The following PTK2 variants were observed in gnomAD, a reference collection of about 807,000 sequenced individuals.
The protein encoded by PTK2 is focal adhesion kinase 1.
In PTK2, 45 loss-of-function variants were observed where a neutral mutation model predicts 150.1. That is an observed-to-expected ratio of 0.30 (90% confidence interval 0.24 to 0.38). The LOEUF (loss-of-function observed/expected upper bound fraction) is 0.38, where lower values mean the gene tolerates loss of function less well. Among genes scored for constraint, PTK2 ranks in the 10% least tolerant of loss-of-function variants. The pLI, the probability that PTK2 is intolerant of heterozygous loss-of-function variation, is 1.00. For synonymous variants in PTK2, 432 were observed against 449.2 expected (o/e 0.96, Z 0.48); for missense variants, 919 against 1,307.3 (o/e 0.70, Z 4.58).
intron 26 of PTK2, among the ~76,000 whole-genome samples, chr8:140,690,770 AG>A (rs1043368176): frequency 3.3e-5 from 5 of 152,244 alleles, no homozygotes; most frequent in African/African-American, 9.6e-5. Flanking sequence ...ACATTTATAT[AG>A]GGCAAACTGA....
exon 9 of PTK2, chr8:140,818,967 A>G: frequency 6.2e-7 from 1 of 1,613,620 alleles, no homozygotes; most frequent in East Asian, 2.2e-5. Context: ...CTTCTCTATT[A>G]AGGTTGGCAA....
At chr8:140,782,254 T>TTTTG (rs567880304) in intron 14 of PTK2, among the ~76,000 whole-genome samples, 1,875 of 138,082 alleles carry the variant, frequency 0.014, 49 homozygotes, top group African/African-American at 0.048. Context: ...TTTTTTTTTT[T>TTTTG]GGGGGGGGGG....
chr8:140,686,673 G>A lies in PTK2; in HGVS notation c.2521C>T (p.Arg841Ter). ...CCATCCTCCCTGTCAATACTGCCTCGAGAGAGTCTCACATCAGGTTTCTGA... is the reference window on the plus strand; with the variant it reads ...CCATCCTCCCTGTCAATACTGCCTCAAGAGAGTCTCACATCAGGTTTCTGA... Residue 841 changes from arginine to a stop codon, truncating the protein, a stop_gained, in exon 27 of 32, where the codon CGA (arginine) becomes TGA (stop). Coordinates refer to ENST00000522684, the Ensembl canonical transcript of PTK2. LOFTEE classifies it high-confidence loss of function. 2 of 1,613,734 alleles carry A rather than the reference G, an allele frequency of 1.2e-6. No homozygotes were observed. The highest frequency in any genetic ancestry group is 1.7e-6 in the Non-Finnish European group (2 of 1,179,736).
At chr8:140,742,198 C>T (rs1182349567) in intron 20 of PTK2, among the ~76,000 whole-genome samples, 1 of 152,144 alleles carries the variant, frequency 6.6e-6, no homozygotes, top group Non-Finnish European at 1.5e-5. Context: ...GAGTTAGCAG[C>T]CTGCATATTT....
chr8:141,000,984 C>T (rs953073047), intron 1 of PTK2, 141 bp downstream of exon 1: 6 of 152,026 alleles, frequency 3.9e-5, no homozygotes, highest in African/African-American at 1.4e-4. Flanking sequence ...GGCCGGTCTC[C>T]GCCGCATCCG....
intron 4 of PTK2, chr8:140,879,029 C>G (rs1318235917): frequency 1.3e-5 from 2 of 152,232 alleles, no homozygotes; most frequent in African/African-American, 4.8e-5. Flanking sequence ...TAGGTGCGCT[C>G]TAGATTACAG....
chr8:140,686,990 C>T (rs1481720101), intron 26 of PTK2: 1 of 334,434 alleles, frequency 3.0e-6, no homozygotes, highest in African/African-American at 2.2e-5. Flanking sequence ...CTTTCTTCTT[C>T]ACTGAGATAC....
chr8:140,726,191 G>A (rs928613981), intron 22 of PTK2, among the ~76,000 whole-genome samples: 4 of 152,164 alleles, frequency 2.6e-5, no homozygotes, highest in East Asian at 3.9e-4. Flanking sequence ...TCTGAAGCGG[G>A]GAAGGTCAGG....
chr8:140,903,896 C>G (rs768922165), intron 2 of PTK2, among the ~76,000 whole-genome samples: 2 of 152,146 alleles, frequency 1.3e-5, no homozygotes, highest in African/African-American at 4.8e-5. Flanking sequence ...AGATTTTGGG[C>G]TAAGATGATG....
At chr8:140,931,398 T>TA (rs1431361155) in intron 1 of PTK2, among the ~76,000 whole-genome samples, 1 of 151,538 alleles carries the variant, frequency 6.6e-6, no homozygotes, top group Non-Finnish European at 1.5e-5. Flanking sequence ...CCCAACTCTA[T>TA]AAAAAAATAC....
At chr8:140,961,452 G>A (rs538819266) in intron 1 of PTK2, among the ~76,000 whole-genome samples, 1 of 152,188 alleles carries the variant, frequency 6.6e-6, no homozygotes, top group South Asian at 2.1e-4. Flanking sequence ...ACAAGGTCAG[G>A]AGATCGAGAC....
At chr8:140,974,861 T>C (rs2100188693) in intron 1 of PTK2, among the ~76,000 whole-genome samples, 2 of 151,902 alleles carry the variant, frequency 1.3e-5, no homozygotes, top group African/African-American at 4.8e-5. Context: ...ACTAAGATAT[T>C]CCAGGAAAAA....
Position 140,928,333 on chromosome 8 carries a change from C to T in PTK2, c.-121-2584G>A, listed in dbSNP as rs78751504. On this transcript the variant is annotated intron_variant, in intron 1 of 31. Coordinates refer to ENST00000522684, the Ensembl canonical transcript of PTK2. ...AGGTTTGGCAAGGATATGAAGAAATCGAAACCCTTGTGTATTGTTGGTGGG... is the reference window on the plus strand; with the variant it reads ...AGGTTTGGCAAGGATATGAAGAAATTGAAACCCTTGTGTATTGTTGGTGGG... Among the ~76,000 whole-genome samples, 369 of 152,206 alleles carry T rather than the reference C, an allele frequency of 2.4e-3. 1 individual carries two copies. Among genetic ancestry groups the T allele is most frequent in the African/African-American group, 8.5e-3 (354 of 41,536 alleles).
At chr8:140,950,152 T>C (rs1586866705) in intron 1 of PTK2, among the ~76,000 whole-genome samples, 1 of 152,210 alleles carries the variant, frequency 6.6e-6, no homozygotes, top group African/African-American at 2.4e-5. Context: ...ATGTACCTCA[T>C]TCTTCCTGGA....
intron 5 of PTK2, among the ~76,000 whole-genome samples, chr8:140,850,497 G>A (rs1349050225): frequency 2.0e-5 from 3 of 151,402 alleles, no homozygotes; most frequent in East Asian, 2.0e-4. Flanking sequence ...AGGCCAAGGC[G>A]GGTAGATCAC....
At chr8:140,816,957 A>G (rs1360773549) in intron 10 of PTK2, among the ~76,000 whole-genome samples, 3 of 152,240 alleles carry the variant, frequency 2.0e-5, no homozygotes, top group Non-Finnish European at 4.4e-5. Flanking sequence ...TCTCTTCCAC[A>G]AGGAGAAAAA....
intron 1 of PTK2, among the ~76,000 whole-genome samples, chr8:140,999,180 T>C (rs999588627): frequency 4.6e-5 from 7 of 152,228 alleles, no homozygotes; most frequent in African/African-American, 1.7e-4. Flanking sequence ...TCCATGTCTT[T>C]ATTTAACCAA....
Position 140,752,215 on chromosome 8 carries a change from A to G in PTK2, c.1417+17T>C. On this transcript the variant is annotated intron_variant, in intron 17 of 31. Transcript: ENST00000522684. ...AGAAAGTCAAATGGAGTTCCACAGA[A>G]ATTTCTAGACACTTACAGGCTTCTT... The G allele has an allele frequency of 6.3e-7, 1 of 1,596,740 alleles. No individual in the cohort carries two copies. The highest frequency in any genetic ancestry group is 1.7e-4 in the Middle Eastern group (1 of 6,026).
In PTK2 at chr8:140,793,401, A is replaced by G. The variant is rs2100089744; in HGVS notation, c.1094-17T>C. 1.2e-6 allele frequency: 2 copies of G among 1,608,516 alleles called. No homozygotes were observed. The highest frequency in any genetic ancestry group is 1.3e-5 in the African/African-American group (1 of 74,576). ...GTTCACCTTCTGCGGGGAAAAAGAA[A>G]AGAGATGCATAAGGCTCTTTTCACT... On this transcript the variant is annotated splice_polypyrimidine_tract_variant and intron_variant, in intron 12 of 31. Coordinates refer to ENST00000522684, the Ensembl canonical transcript of PTK2.
Sources: allele counts gnomAD v4.1 joint callset (sites outside exome capture counted in the v4.1 genomes callset), GRCh38; gene constraint gnomAD v4.1.1; transcripts MANE v1.5; gene names NCBI Gene and HGNC (gene_info 2026-07-23, HGNC 2026-07-21).